The following NEK6 variants were observed in gnomAD, a reference collection of about 807,000 sequenced individuals.
NEK6 encodes the protein serine/threonine-protein kinase Nek6.
A neutral mutation model predicts 43.5 loss-of-function variants in NEK6; 27 were observed. The ratio of observed to expected loss-of-function variants is 0.62; its 90% confidence interval spans 0.46 to 0.86. The LOEUF (loss-of-function observed/expected upper bound fraction) is 0.86. Among genes scored for constraint, NEK6 ranks in the 40% least tolerant of loss-of-function variants. The probability of loss-of-function intolerance (pLI) is 0.00; values close to 1 mark genes in which losing one functional copy is unlikely to be tolerated. For missense variants in NEK6, 318 were observed against 414.4 expected, an observed-to-expected ratio of 0.77 and a Z score of 2.02; for synonymous variants, 167 against 164.1, an observed-to-expected ratio of 1.02 and a Z score of -0.14.
chr9:124,334,255 C>T (rs1051152451), intron 7 of NEK6, among the ~76,000 whole-genome samples: 2 of 152,182 alleles, frequency 1.3e-5, no homozygotes, highest in East Asian at 1.9e-4. Context: ...GATGGACAGA[C>T]TGATGGATGA....
intron 1 of NEK6, among the ~76,000 whole-genome samples, chr9:124,277,862 C>T (rs758039110): frequency 6.6e-6 from 1 of 152,194 alleles, no homozygotes; most frequent in Non-Finnish European, 1.5e-5. Context: ...AGCCCTGCTC[C>T]TCATGTGCTG....
intron 8 of NEK6, among the ~76,000 whole-genome samples, chr9:124,340,452 C>T (rs1273623702): frequency 6.6e-6 from 1 of 152,198 alleles, no homozygotes; most frequent in Non-Finnish European, 1.5e-5. Flanking sequence ...CCACCAAAGG[C>T]TGGGTGGCTC....
At chr9:124,268,273 A>G (rs1831300839) in intron 1 of NEK6, among the ~76,000 whole-genome samples, 1 of 152,152 alleles carries the variant, frequency 6.6e-6, no homozygotes. Context: ...TCATTCATTT[A>G]TTAGCTAATT....
intron 4 of NEK6, among the ~76,000 whole-genome samples, chr9:124,314,699 C>T (rs1218951238): frequency 6.6e-6 from 1 of 151,798 alleles, no homozygotes; most frequent in Non-Finnish European, 1.5e-5. Flanking sequence ...CAGAGTTTTG[C>T]TCTTGTTGCC....
At chr9:124,304,501 T>G (rs1229868130) in intron 2 of NEK6, among the ~76,000 whole-genome samples, 3 of 152,226 alleles carry the variant, frequency 2.0e-5, no homozygotes, top group Non-Finnish European at 4.4e-5. Flanking sequence ...GCCGCTTCCC[T>G]CATGAGGCGG....
chr9:124,314,453 T>C (rs1833711788), intron 4 of NEK6, among the ~76,000 whole-genome samples: 1 of 151,128 alleles, frequency 6.6e-6, no homozygotes, highest in African/African-American at 2.5e-5. Context: ...TCTCAGCCTT[T>C]TTCTTTGGTT....
At chr9:124,331,052 C>T (rs576913623) in intron 7 of NEK6, among the ~76,000 whole-genome samples, 2 of 152,192 alleles carry the variant, frequency 1.3e-5, no homozygotes, top group Non-Finnish European at 2.9e-5. Flanking sequence ...CACTTGAGGT[C>T]AGGAGTTTGA....
chr9:124,269,433 G>C (rs1386615747), intron 1 of NEK6, among the ~76,000 whole-genome samples: 1 of 151,962 alleles, frequency 6.6e-6, no homozygotes, highest in African/African-American at 2.4e-5. Context: ...GAGTGCAATG[G>C]CACGATCTTG....
At chr9:124,281,892 G>A (rs763826365) in intron 1 of NEK6, among the ~76,000 whole-genome samples, 3 of 152,266 alleles carry the variant, frequency 2.0e-5, no homozygotes, top group Admixed American at 6.5e-5. Flanking sequence ...TTCAAAATGT[G>A]GGAGAGGCTG....
intron 1 of NEK6, among the ~76,000 whole-genome samples, chr9:124,282,414 A>T (rs1831955591): frequency 6.6e-6 from 1 of 152,212 alleles, no homozygotes. Flanking sequence ...ATGTGACCCC[A>T]GCTTAACTTG....
intron 1 of NEK6, among the ~76,000 whole-genome samples, chr9:124,283,857 C>T (rs557943792): frequency 5.4e-4 from 83 of 152,382 alleles, no homozygotes; most frequent in African/African-American, 1.9e-3. Context: ...TGTTTCCACA[C>T]CCTGCTTTGC....
intron 2 of NEK6, among the ~76,000 whole-genome samples, chr9:124,302,734 C>T (rs1057091689): frequency 1.3e-5 from 2 of 152,258 alleles, no homozygotes; most frequent in Non-Finnish European, 2.9e-5. Flanking sequence ...TCCACTTCCA[C>T]CCTGCTCTCT....
intron 7 of NEK6, among the ~76,000 whole-genome samples, chr9:124,329,922 A>T (rs971076884): frequency 6.6e-6 from 1 of 152,240 alleles, no homozygotes; most frequent in Non-Finnish European, 1.5e-5. Flanking sequence ...CGTGGGGATG[A>T]ATTATGCATC....
chr9:124,327,401 T>G lies in NEK6; in HGVS notation c.578T>G (p.Leu193Arg). ...TGVVKLGDLGLGRFFSSETTA... is the reference protein window; with the variant it reads ...TGVVKLGDLGRGRFFSSETTA... Reference sequence around the variant, plus strand: ...GTCGTGAAGCTCGGTGACCTTGGTCTGGGCCGCTTCTTCAGCTCTGAGACC... The same window carrying G: ...GTCGTGAAGCTCGGTGACCTTGGTCGGGGCCGCTTCTTCAGCTCTGAGACC... Residue 193 changes from leucine (L) to arginine (R), a missense_variant, in exon 7 of 10, where the codon CTG becomes CGG. By Grantham distance (102) the Leu-to-Arg change is moderately radical (BLOSUM62 -2). This residue lies in a region of NEK6 where 239 missense variants were observed against 344.4 expected (regional missense o/e 0.69). Coordinates refer to ENST00000320246, the MANE Select transcript of NEK6 (RefSeq NM_014397.6). 6.2e-7 allele frequency: 1 copy of G among 1,613,756 alleles called. No homozygotes were observed. The highest frequency in any genetic ancestry group is 8.5e-7 in the Non-Finnish European group (1 of 1,180,020).
chr9:124,290,700 C>G (rs1832378968), intron 1 of NEK6, among the ~76,000 whole-genome samples: 1 of 152,250 alleles, frequency 6.6e-6, no homozygotes, highest in Non-Finnish European at 1.5e-5. Flanking sequence ...GGGGGTCTGT[C>G]TGGCCTCTGT....
intron 2 of NEK6, among the ~76,000 whole-genome samples, chr9:124,310,466 G>A (rs917349339): frequency 6.6e-6 from 1 of 152,244 alleles, no homozygotes; most frequent in African/African-American, 2.4e-5. Flanking sequence ...CACCATGAGA[G>A]GTAATTAGGC....
chr9:124,352,559 AG>A lies in NEK6; in HGVS notation c.*1614del, dbSNP rs1830324949. On this transcript the variant is annotated 3_prime_UTR_variant, in exon 10 of 10. Transcript: ENST00000320246. The stretch of plus-strand genomic sequence containing the variant: ...TTCCCAGGCCCCATTCAGTAATCCC[AG>A]GATTTCTTTAAGCTCCCCAAATAAT... The A allele has an allele frequency of 6.6e-6, 1 of 151,550 alleles. No homozygotes were observed. Among genetic ancestry groups the A allele is most frequent in the South Asian group, 2.1e-4 (1 of 4,790 alleles). The allele number at this position is 151,550 out of a possible 1,614,324, so 9.4% of individuals were successfully genotyped here. A position where few individuals can be genotyped will look rare whatever the true frequency, so the allele number is the denominator to read the frequency against.
rs1834227480 is a variant in NEK6 at position 124,324,356 on chromosome 9, G to C, written c.406-1974G>C. Reference sequence around the variant, plus strand: ...GGCCTCAGAGGCTGTCAGGCAGCAGGGATTGTGTCCCGAGAGCCTGCAGCC... The same window carrying C: ...GGCCTCAGAGGCTGTCAGGCAGCAGCGATTGTGTCCCGAGAGCCTGCAGCC... On this transcript the variant is annotated intron_variant, in intron 5 of 9. Transcript: ENST00000320246. This position sits in a 1 kb window ranked among gnomAD's most constrained non-coding sequence, Gnocchi z 5.3. Among the ~76,000 whole-genome samples the C allele has an allele frequency of 6.6e-6, 1 of 152,202 alleles. No individual in the cohort carries two copies. The highest frequency in any genetic ancestry group is 2.4e-5 in the African/African-American group (1 of 41,446).
At chr9:124,260,820 G>A (rs1383567386) in intron 1 of NEK6, among the ~76,000 whole-genome samples, 7 of 152,186 alleles carry the variant, frequency 4.6e-5, no homozygotes, top group African/African-American at 1.2e-4. Flanking sequence ...AGGAAACTGG[G>A]GCACAGAGAG....
Sources: allele counts gnomAD v4.1 joint callset (sites outside exome capture counted in the v4.1 genomes callset), GRCh38; gene constraint gnomAD v4.1.1; regional missense constraint gnomAD v4.1.1; non-coding constraint Gnocchi (gnomAD v3.1); transcripts MANE v1.5; gene names NCBI Gene and HGNC (gene_info 2026-07-23, HGNC 2026-07-21).